Variants in NUDT4 observed in about 807,000 individuals in gnomAD.
NUDT4 encodes the protein diphosphoinositol polyphosphate phosphohydrolase 2.
Under a neutral mutation model 23.1 loss-of-function variants are expected in NUDT4, and 5 were observed. The observed-to-expected ratio is 0.22, with a 90% CI of 0.11 to 0.46. The LOEUF (loss-of-function observed/expected upper bound fraction) is 0.46, where lower values mean the gene tolerates loss of function less well. NUDT4 is among the 20% of genes least tolerant of loss of function. NUDT4 has a pLI of 0.99. For missense variants in NUDT4, 96 were observed against 211.6 expected (o/e 0.45, Z 3.39); for synonymous variants, 50 against 79.0 (o/e 0.63, Z 1.95).
chr12:93,384,543 T>C (rs981421201), intron 1 of NUDT4, among the ~76,000 whole-genome samples: 4 of 152,128 alleles, frequency 2.6e-5, no homozygotes, highest in African/African-American at 9.7e-5. Context: ...TACACTAACA[T>C]TAATGATAGC....
At chr12:93,394,924 C>T (rs1778701560) in intron 2 of NUDT4, among the ~76,000 whole-genome samples, 1 of 152,130 alleles carries the variant, frequency 6.6e-6, no homozygotes, top group Non-Finnish European at 1.5e-5. Context: ...TCTTGGCTCA[C>T]TGCCACCTCC....
rs573715212 is a variant in NUDT4 at position 93,405,080 on chromosome 12, A to C, written c.*5701A>C. On this transcript the variant is annotated 3_prime_UTR_variant, in exon 5 of 5. Coordinates refer to ENST00000415493, the MANE Select transcript of NUDT4 (RefSeq NM_019094.6). ...ACATGAATTGTAATAACTTGGACTT[A>C]CTTGGTTGCTCAGTCCTGATGTGTC... The C allele has an allele frequency of 1.6e-4, 25 of 152,308 alleles. 2 individuals carry two copies. Among genetic ancestry groups the C allele is most frequent in the Admixed American group, 1.3e-3 (20 of 15,296 alleles). 9.4% of individuals were successfully genotyped at this position (152,308 alleles called of 1,614,324 possible).
At position 93,394,727 on chromosome 12, in the gene NUDT4, G is replaced by C; in HGVS notation, c.210+8G>C. The C allele has an allele frequency of 6.6e-7, 1 of 1,505,340 alleles. No homozygotes were observed. The highest frequency in any genetic ancestry group is 9.1e-7 in the Non-Finnish European group (1 of 1,104,634). 93.2% of individuals were successfully genotyped at this position (1,505,340 alleles called of 1,614,324 possible). The stretch of plus-strand genomic sequence containing the variant: ...AGGGAAGTTTATGAGGAGGTGAGAT[G>C]TTCTTTCACACAAATTCTGTTTCGG... On this transcript the variant is annotated splice_region_variant and intron_variant, in intron 2 of 4. Transcript: ENST00000415493.
chr12:93,393,765 A>G (rs2120939499), intron 1 of NUDT4, among the ~76,000 whole-genome samples: 1 of 152,342 alleles, frequency 6.6e-6, no homozygotes, highest in Admixed American at 6.5e-5. Flanking sequence ...TAAAATGTGA[A>G]GGATGCTTCT....
chr12:93,396,183 G>C (rs1252606645), intron 3 of NUDT4, among the ~76,000 whole-genome samples: 1 of 151,924 alleles, frequency 6.6e-6, no homozygotes, highest in East Asian at 1.9e-4. Context: ...TAGGTCTCAT[G>C]TGTTTTATCT....
At chr12:93,398,923 G>T (rs1278192286) in intron 4 of NUDT4, 68 bp downstream of exon 4, 4 of 1,123,534 alleles carry the variant, frequency 3.6e-6, no homozygotes, top group African/African-American at 1.6e-5. Flanking sequence ...GTTAATATAG[G>T]TAAGTTCCCT....
rs1877795706 is a variant in NUDT4, at chr12:93,406,071, T to TCCTGGC, written c.*6695_*6700dup. 1.3e-5 allele frequency: 2 copies of TCCTGGC among 151,880 alleles called. No individual in the cohort carries two copies. The highest frequency in any genetic ancestry group is 4.8e-5 in the African/African-American group (2 of 41,326). 9.4% of individuals were successfully genotyped at this position (151,880 alleles called of 1,614,324 possible). The stretch of plus-strand genomic sequence containing the variant: ...TCACGAGGTCAGGAGATGGAGACCA[T>TCCTGGC]CCTGGCCCAACATGGTGAAACCCCG... On this transcript the variant is annotated 3_prime_UTR_variant, in exon 5 of 5. Transcript: ENST00000415493.
At chr12:93,385,968 T>TATATATATATATATATATATATAC (rs1555193197) in intron 1 of NUDT4, among the ~76,000 whole-genome samples, 18 of 133,594 alleles carry the variant, frequency 1.3e-4, no homozygotes, top group African/African-American at 5.1e-4. Flanking sequence ...TATATATATA[T>TATATATATATATATATATATATAC]ATACATAATT....
At chr12:93,393,508 T>A (rs559454843) in intron 1 of NUDT4, among the ~76,000 whole-genome samples, 14 of 152,322 alleles carry the variant, frequency 9.2e-5, no homozygotes, top group Non-Finnish European at 1.6e-4. Flanking sequence ...CTGTCACAAC[T>A]GCTTTGACTC....
intron 4 of NUDT4, 38 bp downstream of exon 4, chr12:93,398,893 C>A: frequency 2.3e-6 from 3 of 1,296,876 alleles, no homozygotes. Flanking sequence ...TCTGTTCTAA[C>A]AGAAGATTGG....
intron 1 of NUDT4, among the ~76,000 whole-genome samples, chr12:93,386,769 A>G (rs1481882429): frequency 1.3e-5 from 2 of 152,148 alleles, no homozygotes; most frequent in Non-Finnish European, 2.9e-5. Flanking sequence ...ATCATTCTCA[A>G]ATTTTTGTGG....
intron 1 of NUDT4, 72 bp downstream of exon 1, chr12:93,378,493 C>A: frequency 7.1e-7 from 1 of 1,400,842 alleles, no homozygotes; most frequent in Non-Finnish European, 9.4e-7. Flanking sequence ...CCCCTCGCTC[C>A]CCGCCCCTGC....
intron 1 of NUDT4, among the ~76,000 whole-genome samples, chr12:93,387,528 A>T (rs898845408): frequency 1.1e-4 from 16 of 152,232 alleles, no homozygotes; most frequent in African/African-American, 3.9e-4. Flanking sequence ...AGCACTGAAC[A>T]ATAGAGCAGG....
In NUDT4 at chr12:93,377,963, C is replaced by T. The variant is rs1318610280; in HGVS notation, c.-360C>T. The T allele has an allele frequency of 2.7e-5, 7 of 256,538 alleles. No individual in the cohort carries two copies. The highest frequency in any genetic ancestry group is 4.6e-5 in the Non-Finnish European group (6 of 129,350). 15.9% of individuals were successfully genotyped at this position (256,538 alleles called of 1,614,324 possible). A position where few individuals can be genotyped will look rare whatever the true frequency, so the allele number is the denominator to read the frequency against. On this transcript the variant is annotated 5_prime_UTR_variant, in exon 1 of 5. Transcript: ENST00000415493. ...CTGCTGCTCAGTGGGAGCGGGTCTT[C>T]GCAACTGTCTCCGCGTGGCGCGCGC...
intron 1 of NUDT4, among the ~76,000 whole-genome samples, chr12:93,394,027 G>A (rs1876746106): frequency 6.6e-6 from 1 of 151,808 alleles, no homozygotes; most frequent in South Asian, 2.1e-4. Flanking sequence ...GTTTTTTTGA[G>A]ATGGAGTCTC....
At chr12:93,395,449 T>C (rs757900888) in intron 2 of NUDT4, 40 bp from the exon 3 acceptor site, 1 of 1,441,872 alleles carries the variant, frequency 6.9e-7, no homozygotes, top group East Asian at 2.3e-5. Context: ...CATTTTGTTA[T>C]AAAAAGGTAA....
At chr12:93,383,813 CAGAGCG>C (rs771019015) in intron 1 of NUDT4, among the ~76,000 whole-genome samples, 12 of 152,214 alleles carry the variant, frequency 7.9e-5, no homozygotes, top group Admixed American at 1.3e-4. Flanking sequence ...GCCTGGGCGA[CAGAGCG>C]AGACAGCGTC....
chr12:93,387,009 C>T (rs911705754), intron 1 of NUDT4, among the ~76,000 whole-genome samples: 1 of 152,158 alleles, frequency 6.6e-6, no homozygotes, highest in African/African-American at 2.4e-5. Context: ...TCTCAGCTCA[C>T]TGCAAACCGC....
At position 93,401,447 on chromosome 12, in the gene NUDT4, G is replaced by C. The variant is rs1283370486; in HGVS notation, c.*2068G>C. 7 of 148,152 alleles carry C rather than the reference G, an allele frequency of 4.7e-5. No individual in the cohort carries two copies. In the Admixed American group the frequency reaches 4.8e-4, roughly 10 times the overall value. 9.2% of individuals were successfully genotyped at this position (148,152 alleles called of 1,614,324 possible). A position where few individuals can be genotyped will look rare whatever the true frequency, so the allele number is the denominator to read the frequency against. On this transcript the variant is annotated 3_prime_UTR_variant, in exon 5 of 5. Coordinates refer to ENST00000415493, the MANE Select transcript of NUDT4 (RefSeq NM_019094.6). Reference sequence around the variant, plus strand: ...ACCTGAAATGCTGTCATAAGTACTGGGGGGGTGGGGGAGTGCCCATCTTGT... The same window carrying C: ...ACCTGAAATGCTGTCATAAGTACTGCGGGGGTGGGGGAGTGCCCATCTTGT...
Sources: gnomAD v4.1 joint callset for allele counts (sites outside exome capture counted in the v4.1 genomes callset) on GRCh38, gnomAD v4.1.1 for gene constraint, MANE v1.5 for transcripts, NCBI Gene and HGNC (gene_info 2026-07-23, HGNC 2026-07-21) for gene names.